Variants in RSL24D1 observed in about 807,000 individuals in gnomAD.
RSL24D1 encodes ribosomal L24 domain containing 1, also known as probable ribosome biogenesis protein RLP24.
In RSL24D1, 6 loss-of-function variants were observed where a neutral mutation model predicts 26.2. The ratio of observed to expected loss-of-function variants is 0.23; its 90% CI spans 0.13 to 0.45. RSL24D1 has a LOEUF of 0.45. Among genes scored for constraint, RSL24D1 ranks in the 20% least tolerant of loss-of-function variants. The pLI is 0.99. For missense variants in RSL24D1, 176 were observed against 202.6 expected, an observed-to-expected ratio of 0.87 and a Z score of 0.80; for synonymous variants, 61 against 59.1, an observed-to-expected ratio of 1.03 and a Z score of -0.15.
chr15:55,182,056 T>G lies in RSL24D1; in HGVS notation c.*96A>C. The stretch of plus-strand genomic sequence containing the variant: ...AAGATGTCTTTTAATCGCTTTTCAT[T>G]TAAGTGACCTTATGTAAAAAATAAA... On this transcript the variant is annotated 3_prime_UTR_variant, in exon 6 of 6. Transcript: ENST00000260443. 1 of 729,456 alleles carries G rather than the reference T, an allele frequency of 1.4e-6. No homozygotes were observed. The highest frequency in any genetic ancestry group is 2.4e-6 in the Non-Finnish European group (1 of 419,586). 45.2% of individuals were successfully genotyped at this position (729,456 alleles called of 1,614,324 possible). A position where few individuals can be genotyped will look rare whatever the true frequency, so the allele number is the denominator to read the frequency against.
Position 55,185,225 on chromosome 15 carries a change from T to C in RSL24D1, c.332+137A>G, listed in dbSNP as rs1184710988. 2.0e-5 allele frequency: 11 copies of C among 542,640 alleles called. No individual in the cohort carries two copies. In the East Asian group the frequency reaches 2.9e-4, roughly 14 times the overall value. 33.6% of individuals were successfully genotyped at this position (542,640 alleles called of 1,614,324 possible). ...AAAATGCTAGCAGAATATACAAGAG[T>C]TCTTCATATTATTCCTTGAAGTTTT... On this transcript the variant is annotated intron_variant, in intron 4 of 5. Coordinates refer to ENST00000260443, the MANE Select transcript of RSL24D1 (RefSeq NM_016304.3).
chr15:55,195,024 C>CAAAA (rs34525957), intron 1 of RSL24D1, among the ~76,000 whole-genome samples: 105 of 48,160 alleles, frequency 2.2e-3, no homozygotes, highest in Non-Finnish European at 2.8e-3. Flanking sequence ...GACCCTGTCT[C>CAAAA]AAAAAAAAAA....
intron 3 of RSL24D1, 147 bp downstream of exon 3, chr15:55,190,828 G>C: frequency 1.6e-6 from 1 of 626,490 alleles, no homozygotes; most frequent in Non-Finnish European, 2.8e-6. Flanking sequence ...GACTACAACA[G>C]AACCATTAAA....
chr15:55,183,340 G>A lies in RSL24D1; in HGVS notation c.393C>T (p.Ile131=), dbSNP rs1385912336. The A allele has an allele frequency of 6.2e-7, 1 of 1,611,574 alleles. No homozygotes were observed. The highest frequency in any genetic ancestry group is 8.5e-7 in the Non-Finnish European group (1 of 1,179,550). Reference sequence around the variant, plus strand: ...CTGCAAGAGGGGCTCGGATAAGATGGATGTTTTGCTTGACTTCTTTGATAT... The same window carrying A: ...CTGCAAGAGGGGCTCGGATAAGATGAATGTTTTGCTTGACTTCTTTGATAT... ...VQDIKEVKQN[I]HLIRAPLAGK... is the part of the protein sequence containing the mutation. The change falls in exon 5 of 6, where the codon ATC becomes ATT. Residue 131 remains isoleucine, a synonymous_variant. Transcript: ENST00000260443.
chr15:55,188,076 A>G (rs1483045964), intron 3 of RSL24D1, among the ~76,000 whole-genome samples: 2 of 152,204 alleles, frequency 1.3e-5, no homozygotes, highest in Non-Finnish European at 1.5e-5. Flanking sequence ...TACCTTAACA[A>G]AGGTTGTTTA....
At chr15:55,190,875 T>C (rs1894289393) in intron 3 of RSL24D1, 100 bp downstream of exon 3, 1 of 757,828 alleles carries the variant, frequency 1.3e-6, no homozygotes, top group East Asian at 2.7e-5. Context: ...GAATGATAAA[T>C]GGAAAATTCA....
intron 3 of RSL24D1, among the ~76,000 whole-genome samples, chr15:55,186,809 T>C (rs1894229433): frequency 6.6e-6 from 1 of 151,774 alleles, no homozygotes; most frequent in Non-Finnish European, 1.5e-5. Context: ...GTGAGAATGC[T>C]CTTATTTCTG....
intron 2 of RSL24D1, among the ~76,000 whole-genome samples, chr15:55,191,501 A>G (rs1302202274): frequency 6.6e-6 from 1 of 152,176 alleles, no homozygotes; most frequent in Non-Finnish European, 1.5e-5. Flanking sequence ...AAAACTTCAT[A>G]TGGTTCAACC....
At chr15:55,192,641 T>C (rs543951109) in intron 2 of RSL24D1, 79 bp downstream of exon 2, 66 of 966,798 alleles carry the variant, frequency 6.8e-5, no homozygotes, top group South Asian at 5.1e-4. Flanking sequence ...CTTGTTATGA[T>C]TGATTAGATG....
chr15:55,186,355 G>A (rs528456893), intron 3 of RSL24D1, among the ~76,000 whole-genome samples: 159 of 152,166 alleles, frequency 1.0e-3, no homozygotes, highest in Non-Finnish European at 1.9e-3. Context: ...GAGTAAAACA[G>A]TAACTCTTCA....
intron 1 of RSL24D1, chr15:55,196,335 G>T (rs1894355323): frequency 4.4e-6 from 2 of 456,830 alleles, no homozygotes; most frequent in South Asian, 3.1e-5. Context: ...TTTCCGTACA[G>T]GACCCTCCCC....
intron 5 of RSL24D1, among the ~76,000 whole-genome samples, chr15:55,182,508 G>T (rs571102199): frequency 6.6e-6 from 1 of 152,234 alleles, no homozygotes; most frequent in South Asian, 2.1e-4. Flanking sequence ...CACTCAACTA[G>T]AAAGCCATTT....
chr15:55,191,732 AATCT>A (rs572241759), intron 2 of RSL24D1, among the ~76,000 whole-genome samples: 134 of 152,326 alleles, frequency 8.8e-4, no homozygotes, highest in African/African-American at 3.0e-3. Context: ...TTGGTTTTCA[AATCT>A]ATCTGACAGG....
intron 3 of RSL24D1, among the ~76,000 whole-genome samples, chr15:55,187,493 C>T (rs1894236455): frequency 6.6e-6 from 1 of 152,094 alleles, no homozygotes; most frequent in Non-Finnish European, 1.5e-5. Flanking sequence ...TGGAACCAAC[C>T]TAAGTGCCCA....
At chr15:55,184,451 G>GAA (rs1894202815) in intron 4 of RSL24D1, among the ~76,000 whole-genome samples, 2 of 152,258 alleles carry the variant, frequency 1.3e-5, no homozygotes, top group Admixed American at 1.3e-4. Context: ...ATGGAAAAGG[G>GAA]AAAGCTCTTT....
intron 1 of RSL24D1, among the ~76,000 whole-genome samples, chr15:55,194,880 G>A (rs1434365500): frequency 2.0e-5 from 3 of 151,542 alleles, no homozygotes; most frequent in Non-Finnish European, 2.9e-5. Context: ...TTTTGATATT[G>A]GGCATGGTGG....
chr15:55,182,445 C>T (rs1894179088), intron 5 of RSL24D1, among the ~76,000 whole-genome samples: 1 of 152,122 alleles, frequency 6.6e-6, no homozygotes, highest in African/African-American at 2.4e-5. Context: ...TAACAACCCC[C>T]ATTTTAAATA....
chr15:55,187,452 T>A (rs1044262152), intron 3 of RSL24D1, among the ~76,000 whole-genome samples: 1 of 152,094 alleles, frequency 6.6e-6, no homozygotes, highest in African/African-American at 2.4e-5. Context: ...CTAAGAAGCA[T>A]CTAACTGTAC....
At chr15:55,189,671 C>G (rs1191599446) in intron 3 of RSL24D1, among the ~76,000 whole-genome samples, 1 of 152,100 alleles carries the variant, frequency 6.6e-6, no homozygotes, top group African/African-American at 2.4e-5. Flanking sequence ...TGCCCCAAGA[C>G]AATTCTTCTT....
Sources: gnomAD v4.1 joint callset for allele counts (sites outside exome capture counted in the v4.1 genomes callset) on GRCh38, gnomAD v4.1.1 for gene constraint, MANE v1.5 for transcripts, NCBI Gene and HGNC (gene_info 2026-07-23, HGNC 2026-07-21) for gene names.